Variants in TRPM6 observed in about 807,000 individuals in gnomAD.
TRPM6 encodes the protein channel kinase 2.
Under a neutral mutation model 247.6 loss-of-function variants are expected in TRPM6, and 111 were observed. The observed-to-expected ratio is 0.45, with a 90% confidence interval of 0.38 to 0.52. The LOEUF (loss-of-function observed/expected upper bound fraction) is 0.52, where lower values mean the gene tolerates loss of function less well. Ranked by LOEUF, TRPM6 falls within the 20% of genes least tolerant of loss-of-function variation. TRPM6 has a pLI of 0.00. For missense variants in TRPM6, 2,126 were observed against 2,421.5 expected (o/e 0.88, Z 2.56); for synonymous variants, 892 against 853.8 (o/e 1.04, Z -0.78).
intron 36 of TRPM6, among the ~76,000 whole-genome samples, chr9:74,734,599 G>A (rs1390121551): frequency 6.6e-6 from 1 of 152,054 alleles, no homozygotes; most frequent in African/African-American, 2.4e-5. Context: ...ATTAACTACT[G>A]GACACAAACT....
At chr9:74,800,574 G>T in intron 16 of TRPM6, 92 bp from the exon 17 acceptor site, 2 of 862,584 alleles carry the variant, frequency 2.3e-6, no homozygotes, top group Non-Finnish European at 3.8e-6. Context: ...CATTGTAAAA[G>T]ATTGGATGTG....
At position 74,724,104 on chromosome 9, in the gene TRPM6, T is replaced by C. The variant is rs1423351892; in HGVS notation, c.*509A>G. 1 of 172,010 alleles carries C rather than the reference T, an allele frequency of 5.8e-6. No individual in the cohort carries two copies. The highest frequency in any genetic ancestry group is 1.3e-5 in the Non-Finnish European group (1 of 79,380). The allele number at this position is 172,010 out of a possible 1,614,324, so 10.7% of individuals were successfully genotyped here. A position where few individuals can be genotyped will look rare whatever the true frequency, so the allele number is the denominator to read the frequency against. Reference sequence around the variant, plus strand: ...AAACCCACCCTTGTTCCATTGTTTTTCCTATCATTGCTATTCAAAGTCCTA... The same window carrying C: ...AAACCCACCCTTGTTCCATTGTTTTCCCTATCATTGCTATTCAAAGTCCTA... On this transcript the variant is annotated 3_prime_UTR_variant, in exon 39 of 39. Transcript: ENST00000360774.
chr9:74,787,062 CA>C (rs1443656447), intron 20 of TRPM6, among the ~76,000 whole-genome samples: 1 of 151,238 alleles, frequency 6.6e-6, no homozygotes. Context: ...AGGCTGGGTG[CA>C]GTGGCTCACG....
At chr9:74,783,143 C>G (rs771604460) in intron 21 of TRPM6, among the ~76,000 whole-genome samples, 4 of 151,358 alleles carry the variant, frequency 2.6e-5, no homozygotes, top group Non-Finnish European at 4.4e-5. Context: ...TTTTGATTAG[C>G]TAATATCTAA....
At chr9:74,784,948 T>A (rs1432473941) in intron 21 of TRPM6, among the ~76,000 whole-genome samples, 1 of 152,034 alleles carries the variant, frequency 6.6e-6, no homozygotes, top group Non-Finnish European at 1.5e-5. Context: ...CCTGTCTATA[T>A]AAATAATAAA....
intron 28 of TRPM6, 102 bp downstream of exon 28, chr9:74,755,251 C>T: frequency 8.1e-7 from 1 of 1,234,844 alleles, no homozygotes; most frequent in South Asian, 1.2e-5. Context: ...TTTCCCTCAT[C>T]TCCATGTGAA....
rs1357331404 is a variant in TRPM6, at chr9:74,744,147, T to C, written c.5084-2A>G. On this transcript the variant is annotated splice_acceptor_variant, in intron 31 of 38. Transcript: ENST00000360774. LOFTEE classifies it high-confidence loss of function. ...GGCTTTTTAAGGAGGCTGAGATCTC[T>C]GAAATTAGAGAGGAGATTGGCATTT... 1.9e-6 allele frequency: 3 copies of C among 1,613,810 alleles called. No individual in the cohort carries two copies. The highest frequency in any genetic ancestry group is 1.3e-5 in the African/African-American group (1 of 74,922).
chr9:74,789,046 C>T (rs549073070), intron 19 of TRPM6, among the ~76,000 whole-genome samples: 5 of 152,318 alleles, frequency 3.3e-5, no homozygotes, highest in Admixed American at 2.0e-4. Context: ...AACAGGGGCA[C>T]TGGCAAGCTA....
chr9:74,732,620 T>C (rs1825559115), intron 37 of TRPM6, 65 bp downstream of exon 37: 1 of 1,287,500 alleles, frequency 7.8e-7, no homozygotes, highest in African/African-American at 1.5e-5. Flanking sequence ...TTGTAAATTA[T>C]TTTTAAAACC....
intron 36 of TRPM6, chr9:74,737,514 T>TA: frequency 4.4e-6 from 4 of 899,528 alleles, no homozygotes; most frequent in Non-Finnish European, 4.7e-6. Context: ...AAGATGGTTA[T>TA]ACCCTCTACA....
chr9:74,783,807 T>TG (rs1161357600), intron 21 of TRPM6, among the ~76,000 whole-genome samples: 1 of 152,232 alleles, frequency 6.6e-6, no homozygotes, highest in African/African-American at 2.4e-5. Context: ...GTTGTCTCTT[T>TG]TCTGTCCTCT....
At chr9:74,870,789 T>C (rs886167506) in intron 1 of TRPM6, among the ~76,000 whole-genome samples, 6 of 151,960 alleles carry the variant, frequency 3.9e-5, no homozygotes, top group African/African-American at 1.5e-4. Context: ...CTGGGTGTGG[T>C]GGTGTGTGCC....
At position 74,744,141 on chromosome 9, in the gene TRPM6, G is replaced by C; in HGVS notation, c.5088C>G (p.Ile1696Met). 1 of 1,614,006 alleles carries C rather than the reference G, an allele frequency of 6.2e-7. No individual in the cohort carries two copies. Among genetic ancestry groups the C allele is most frequent in the Non-Finnish European group, 8.5e-7 (1 of 1,179,902 alleles). ...CTTGAGGGCTTTTTAAGGAGGCTGA[G>C]ATCTCTGAAATTAGAGAGGAGATTG... The part of the protein sequence containing the change: ...LLKSSIGVDK[I>M]SASLKSPQEP... Residue 1696 changes from isoleucine to methionine, a missense_variant, in exon 32 of 39, where the codon ATC becomes ATG. Ile to Met is a conservative substitution (Grantham distance 10, BLOSUM62 1). This residue lies in a region of TRPM6 where 327 missense variants were observed against 397.7 expected (regional missense o/e 0.82). Coordinates refer to ENST00000360774, the MANE Select transcript of TRPM6 (RefSeq NM_017662.5).
chr9:74,754,883 A>G (rs147871114), intron 28 of TRPM6, among the ~76,000 whole-genome samples: 123 of 152,302 alleles, frequency 8.1e-4, no homozygotes, highest in African/African-American at 2.8e-3. Context: ...TCTCCTCTAC[A>G]AACACCATTA....
At chr9:74,788,523 A>AT in intron 20 of TRPM6, 91 bp downstream of exon 20, 2 of 1,513,556 alleles carry the variant, frequency 1.3e-6, no homozygotes, top group Non-Finnish European at 1.8e-6. Flanking sequence ...TGACATGTCC[A>AT]TTTTCATCAC....
chr9:74,726,433 C>T (rs567353350), intron 38 of TRPM6, among the ~76,000 whole-genome samples: 1 of 152,260 alleles, frequency 6.6e-6, no homozygotes, highest in East Asian at 1.9e-4. Context: ...TCACTTGAAC[C>T]CGGGAGACGG....
intron 33 of TRPM6, among the ~76,000 whole-genome samples, chr9:74,741,516 T>C (rs1008262551): frequency 3.9e-5 from 6 of 152,114 alleles, no homozygotes; most frequent in African/African-American, 1.4e-4. Flanking sequence ...TTTGGAGTTC[T>C]AAATCCCTAG....
At chr9:74,808,247 C>T (rs1418622473) in intron 13 of TRPM6, 73 bp from the exon 14 acceptor site, 4 of 1,584,020 alleles carry the variant, frequency 2.5e-6, no homozygotes, top group Admixed American at 1.7e-5. Context: ...GCCATTAGAA[C>T]ATAATCAAAT....
rs781444885 is a variant in TRPM6 at position 74,762,695 on chromosome 9, T to G, written c.3976A>C (p.Ile1326Leu). The change falls in exon 26 of 39, where the codon ATA becomes CTA. Residue 1326 changes from isoleucine (I) to leucine (L), a missense_variant. This residue lies in a region of TRPM6 where 717 missense variants were observed against 715.9 expected (regional missense o/e 1.00). Coordinates refer to ENST00000360774, the MANE Select transcript of TRPM6 (RefSeq NM_017662.5). ...DQERQETQSS[I>L]VVSGVSPNRQ... ...TTAGGAGACACCCCAGAAACCACTA[T>G]ACTACTTTGTGTTTCTTGCCTTTCC... 1 of 1,614,198 alleles carries G rather than the reference T, an allele frequency of 6.2e-7. No individual in the cohort carries two copies. The highest frequency in any genetic ancestry group is 8.5e-7 in the Non-Finnish European group (1 of 1,180,016).
Sources: allele counts gnomAD v4.1 joint callset (sites outside exome capture counted in the v4.1 genomes callset), GRCh38; gene constraint gnomAD v4.1.1; regional missense constraint gnomAD v4.1.1; transcripts MANE v1.5; gene names NCBI Gene and HGNC (gene_info 2026-07-23, HGNC 2026-07-21).